Variants in TRPC4 observed in about 807,000 individuals in gnomAD.
TRPC4 encodes short transient receptor potential channel 4.
Under a neutral mutation model 99.4 loss-of-function variants are expected in TRPC4, and 49 were observed. The ratio of observed to expected loss-of-function variants is 0.49; its 90% CI spans 0.39 to 0.63. The LOEUF is 0.63. Ranked by LOEUF, TRPC4 falls within the 20% of genes least tolerant of loss-of-function variation. The probability of loss-of-function intolerance (pLI) is 0.00; values close to 1 mark genes in which losing one functional copy is unlikely to be tolerated. For synonymous variants in TRPC4, 454 were observed against 425.9 expected (o/e 1.07, Z -0.81); for missense variants, 898 against 1,152.9 (o/e 0.78, Z 3.20).
intron 3 of TRPC4, among the ~76,000 whole-genome samples, chr13:37,707,810 G>A (rs533626943): frequency 1.3e-5 from 2 of 152,232 alleles, no homozygotes; most frequent in South Asian, 4.1e-4. Flanking sequence ...GTGTGATTAG[G>A]AGATGAAAGA....
intron 3 of TRPC4, among the ~76,000 whole-genome samples, chr13:37,730,770 G>T (rs1045625364): frequency 1.3e-5 from 2 of 152,078 alleles, no homozygotes; most frequent in African/African-American, 2.4e-5. Context: ...CTTACTTAGA[G>T]AATTTTTACT....
Position 37,752,399 on chromosome 13 carries a change from A to G in TRPC4, c.379-5944T>C, listed in dbSNP as rs189064695. Among the ~76,000 whole-genome samples, 20 of 152,020 alleles carry G rather than the reference A, an allele frequency of 1.3e-4. No individual in the cohort carries two copies. The East Asian group carries it at 3.7e-3, about 28-fold the overall frequency. ...CATCGATTTATTCTGCACACAGGTG[A>G]CTGCCATTTCTGTAGGGCGAAGCCA... is the stretch of plus-strand genomic sequence containing the variant. On this transcript the variant is annotated intron_variant, in intron 2 of 10. Coordinates refer to ENST00000379705, the MANE Select transcript of TRPC4 (RefSeq NM_016179.4).
At chr13:37,866,656 A>T (rs1223083163) in intron 1 of TRPC4, among the ~76,000 whole-genome samples, 1 of 151,824 alleles carries the variant, frequency 6.6e-6, no homozygotes, top group Admixed American at 6.6e-5. Context: ...CACAGCCATG[A>T]TATTATATCC....
intron 2 of TRPC4, among the ~76,000 whole-genome samples, chr13:37,765,650 A>C (rs574885847): frequency 2.2e-4 from 33 of 151,376 alleles, no homozygotes; most frequent in African/African-American, 7.7e-4. Context: ...AATATGAATA[A>C]ATTTTTTCTT....
intron 2 of TRPC4, among the ~76,000 whole-genome samples, chr13:37,777,072 T>C (rs979451227): frequency 6.6e-6 from 1 of 151,936 alleles, no homozygotes; most frequent in African/African-American, 2.4e-5. Context: ...CTACTGAAAC[T>C]ACATATGTCA....
intron 3 of TRPC4, among the ~76,000 whole-genome samples, chr13:37,716,973 T>C (rs1954694637): frequency 6.6e-6 from 1 of 151,938 alleles, no homozygotes. Flanking sequence ...TGAATACATG[T>C]TTATATAACC....
At chr13:37,801,792 C>T (rs1957409202) in intron 1 of TRPC4, among the ~76,000 whole-genome samples, 1 of 142,730 alleles carries the variant, frequency 7.0e-6, no homozygotes, top group Non-Finnish European at 1.6e-5. Context: ...GATTTATAGA[C>T]ACTCAAAAAG....
At chr13:37,654,524 A>C (rs750745085) in intron 7 of TRPC4, among the ~76,000 whole-genome samples, 2 of 152,212 alleles carry the variant, frequency 1.3e-5, no homozygotes, top group African/African-American at 2.4e-5. Flanking sequence ...GAATAAATAA[A>C]TAACTTGTGC....
intron 1 of TRPC4, among the ~76,000 whole-genome samples, chr13:37,812,301 T>G (rs1957723928): frequency 6.6e-6 from 1 of 151,436 alleles, no homozygotes; most frequent in Non-Finnish European, 1.5e-5. Context: ...GTAAAATTTA[T>G]AGTATCTATC....
At chr13:37,690,392 G>C (rs917632573) in intron 4 of TRPC4, among the ~76,000 whole-genome samples, 1 of 152,070 alleles carries the variant, frequency 6.6e-6, no homozygotes, top group Non-Finnish European at 1.5e-5. Context: ...TTGGTTCACC[G>C]CAACCTCTGC....
chr13:37,783,050 T>C lies in TRPC4; in HGVS notation c.284A>G (p.Tyr95Cys), dbSNP rs773801545. The C allele has an allele frequency of 4.3e-6, 7 of 1,613,248 alleles. No homozygotes were observed. The highest frequency in any genetic ancestry group is 5.9e-6 in the Non-Finnish European group (7 of 1,179,656). ...LIELLLSFNV[Y>C]VGDALLHAIR... ...AGCATGTAATAGAGCATCTCCAACA[T>C]AGACATTAAAGCTTAAGAGTAGTTC... Residue 95 changes from tyrosine (Y) to cysteine (C), a missense_variant, in exon 2 of 11, where the codon TAT becomes TGT. Tyr to Cys is a radical substitution (Grantham distance 194, BLOSUM62 -2). This residue lies in a region of TRPC4 where 278 missense variants were observed against 346.6 expected (regional missense o/e 0.80). Coordinates refer to ENST00000379705, the MANE Select transcript of TRPC4 (RefSeq NM_016179.4).
intron 8 of TRPC4, among the ~76,000 whole-genome samples, chr13:37,644,047 C>G (rs777294477): frequency 7.2e-5 from 11 of 152,092 alleles, no homozygotes; most frequent in Non-Finnish European, 1.2e-4. Flanking sequence ...GGGATTAGGA[C>G]TTCAACCTAT....
intron 2 of TRPC4, among the ~76,000 whole-genome samples, chr13:37,782,005 G>T (rs1956853927): frequency 1.3e-5 from 2 of 152,078 alleles, no homozygotes; most frequent in Admixed American, 6.6e-5. Context: ...GAATTTGCTA[G>T]AGCTAAAATA....
Position 37,783,075 on chromosome 13 carries a change from C to T in TRPC4, c.259G>A (p.Glu87Lys), listed in dbSNP as rs140628205. The T allele has an allele frequency of 3.7e-6, 6 of 1,613,154 alleles. No individual in the cohort carries two copies. Among genetic ancestry groups the T allele is most frequent in the African/African-American group, 2.7e-5 (2 of 74,892 alleles). Residue 87 changes from glutamate (E) to lysine (K), a missense_variant, in exon 2 of 11, where the codon GAA (glutamate) becomes AAA (lysine). By Grantham distance (56) the Glu-to-Lys change is moderately conservative (BLOSUM62 1). Coordinates refer to ENST00000379705, the MANE Select transcript of TRPC4 (RefSeq NM_016179.4). The stretch of plus-strand genomic sequence containing the variant: ...TAGACATTAAAGCTTAAGAGTAGTT[C>T]GATGAGCTCCAAGTTCTCATTTTCA... ...AIENENLELI[E>K]LLLSFNVYVG...
At chr13:37,741,178 T>C (rs1364412028) in intron 3 of TRPC4, among the ~76,000 whole-genome samples, 1 of 152,184 alleles carries the variant, frequency 6.6e-6, no homozygotes, top group African/African-American at 2.4e-5. Context: ...TTGTCAATCA[T>C]GTAACAAAAA....
chr13:37,737,421 A>T (rs1426563071), intron 3 of TRPC4, among the ~76,000 whole-genome samples: 1 of 152,130 alleles, frequency 6.6e-6, no homozygotes, highest in African/African-American at 2.4e-5. Flanking sequence ...GGTTAGGGGC[A>T]GAAAAGAGCA....
At chr13:37,648,036 G>C (rs1012107546) in intron 8 of TRPC4, among the ~76,000 whole-genome samples, 3 of 152,046 alleles carry the variant, frequency 2.0e-5, no homozygotes, top group Non-Finnish European at 4.4e-5. Flanking sequence ...TCTGCCTCCC[G>C]GGTTCAAGCG....
intron 1 of TRPC4, among the ~76,000 whole-genome samples, chr13:37,828,843 G>T (rs968660030): frequency 1.3e-5 from 2 of 152,174 alleles, no homozygotes; most frequent in East Asian, 3.9e-4. Flanking sequence ...ATGGTGTTTG[G>T]TGGGACTAGG....
At position 37,846,941 on chromosome 13, in the gene TRPC4, T is replaced by C. The variant is rs1385479624; in HGVS notation, c.-28+22654A>G. Among the ~76,000 whole-genome samples, 5 of 151,980 alleles carry C rather than the reference T, an allele frequency of 3.3e-5. No individual in the cohort carries two copies. In the East Asian group the frequency reaches 9.6e-4, roughly 29 times the overall value. ...TAGACAAAATAGACTTTAAGTCAAA[T>C]GTTATTTTTAAAAGACAAAAAGGTT... On this transcript the variant is annotated intron_variant, in intron 1 of 10. Coordinates refer to ENST00000379705, the MANE Select transcript of TRPC4 (RefSeq NM_016179.4).
Sources: allele counts gnomAD v4.1 joint callset (sites outside exome capture counted in the v4.1 genomes callset), GRCh38; gene constraint gnomAD v4.1.1; regional missense constraint gnomAD v4.1.1; transcripts MANE v1.5; gene names NCBI Gene and HGNC (gene_info 2026-07-23, HGNC 2026-07-21).